Variants in MICAL2 observed in about 807,000 individuals in gnomAD.
MICAL2 encodes the protein microtubule associated monooxygenase, calponin and LIM domain containing 2, also known as [F-actin]-monooxygenase MICAL2.
In MICAL2, 77 loss-of-function variants were observed where a neutral mutation model predicts 127.3. The observed-to-expected ratio is 0.60, with a 90% CI of 0.50 to 0.73. The LOEUF is 0.73. MICAL2 is among the 30% of genes least tolerant of loss of function. The pLI is 0.00. For synonymous variants in MICAL2, 570 were observed against 551.1 expected, an observed-to-expected ratio of 1.03 and a Z score of -0.48; for missense variants, 1,351 against 1,434.4, an observed-to-expected ratio of 0.94 and a Z score of 0.94.
chr11:12,215,423 G>A (rs1382074619), intron 7 of MICAL2, among the ~76,000 whole-genome samples: 2 of 152,180 alleles, frequency 1.3e-5, no homozygotes, highest in African/African-American at 4.8e-5. Context: ...CTTCAAATAA[G>A]CCAGTCAGCC....
chr11:12,342,628 G>A (rs978760911), intron 32 of MICAL2, among the ~76,000 whole-genome samples: 6 of 152,194 alleles, frequency 3.9e-5, no homozygotes, highest in African/African-American at 1.4e-4. Flanking sequence ...TTTACTGAGT[G>A]TTTACTATGT....
At chr11:12,304,673 C>T (rs986615416) in intron 29 of MICAL2, among the ~76,000 whole-genome samples, 1 of 151,544 alleles carries the variant, frequency 6.6e-6, no homozygotes, top group Non-Finnish European at 1.5e-5. Flanking sequence ...CACACACACA[C>T]ACACACACAC....
chr11:12,269,688 G>T (rs1590715669), intron 24 of MICAL2, among the ~76,000 whole-genome samples: 1 of 152,172 alleles, frequency 6.6e-6, no homozygotes, highest in Non-Finnish European at 1.5e-5. Context: ...GCTGAGGCTC[G>T]GCACTGCCTG....
intron 13 of MICAL2, 89 bp from the exon 14 acceptor site, chr11:12,226,082 C>A (rs556348224): frequency 1.6e-6 from 2 of 1,273,360 alleles, no homozygotes; most frequent in Non-Finnish European, 1.1e-6. Context: ...GAGTGTCACC[C>A]TCAGTGCTCC....
At chr11:12,342,657 C>G (rs1938885625) in intron 32 of MICAL2, among the ~76,000 whole-genome samples, 1 of 152,178 alleles carries the variant, frequency 6.6e-6, no homozygotes, top group South Asian at 2.1e-4. Flanking sequence ...CAATGCTTAG[C>G]CAAGCACAAT....
intron 1 of MICAL2, among the ~76,000 whole-genome samples, chr11:12,111,891 T>C (rs1245444206): frequency 6.6e-6 from 1 of 152,188 alleles, no homozygotes; most frequent in Non-Finnish European, 1.5e-5. Flanking sequence ...GCCTCCGGTC[T>C]CCAGGGTAGT....
chr11:12,293,803 C>T (rs377505982), downstream of MICAL2: 7 of 1,602,600 alleles, frequency 4.4e-6, no homozygotes, highest in Admixed American at 5.1e-5. Context: ...TTGGGGACAT[C>T]GGAAGCAACC....
chr11:12,127,506 AGGGAAGGAGAT>A (rs984501807), intron 1 of MICAL2, among the ~76,000 whole-genome samples: 1 of 152,190 alleles, frequency 6.6e-6, no homozygotes, highest in Non-Finnish European at 1.5e-5. Flanking sequence ...AAATCAAAGC[AGGGAAGGAGAT>A]GGTGTGTGCT....
chr11:12,167,802 C>A (rs1855697895), intron 3 of MICAL2, among the ~76,000 whole-genome samples: 1 of 152,126 alleles, frequency 6.6e-6, no homozygotes, highest in South Asian at 2.1e-4. Flanking sequence ...GCATTTGTTA[C>A]CACAGCTGCA....
intron 6 of MICAL2, among the ~76,000 whole-genome samples, chr11:12,211,559 G>A (rs1855474702): frequency 6.6e-6 from 1 of 152,176 alleles, no homozygotes; most frequent in Non-Finnish European, 1.5e-5. Flanking sequence ...CAGGCACCTG[G>A]CCTTACACAA....
At chr11:12,207,087 C>G (rs1407981333) in intron 4 of MICAL2, among the ~76,000 whole-genome samples, 1 of 152,126 alleles carries the variant, frequency 6.6e-6, no homozygotes, top group African/African-American at 2.4e-5. Context: ...CCCAAACCCC[C>G]AAGTTTATTG....
intron 34 of MICAL2, among the ~76,000 whole-genome samples, chr11:12,355,382 G>A (rs113379295): frequency 5.3e-5 from 8 of 152,154 alleles, no homozygotes; most frequent in South Asian, 2.1e-4. Context: ...ATGAGAAAAC[G>A]ATTCCACCAG....
intron 32 of MICAL2, among the ~76,000 whole-genome samples, chr11:12,330,900 A>AGAGAGTGTGTGT (rs1238311364): frequency 8.4e-6 from 1 of 119,346 alleles, no homozygotes; most frequent in Non-Finnish European, 1.8e-5. Context: ...AGAGAGAGAG[A>AGAGAGTGTGTGT]GTGTGTGTGT....
intron 23 of MICAL2, 100 bp from the exon 24 acceptor site, chr11:12,256,685 G>A: frequency 8.7e-6 from 10 of 1,155,732 alleles, no homozygotes; most frequent in Admixed American, 2.7e-5. Flanking sequence ...AAGCCCACGA[G>A]GTCCCCAGCA....
At chr11:12,161,179 G>T (rs1229788305) in intron 2 of MICAL2, among the ~76,000 whole-genome samples, 1 of 152,176 alleles carries the variant, frequency 6.6e-6, no homozygotes, top group African/African-American at 2.4e-5. Context: ...TGGAAAATCA[G>T]CTCTACTTTA....
At chr11:12,236,384 GA>G in intron 16 of MICAL2, 139 bp downstream of exon 16, 1 of 743,646 alleles carries the variant, frequency 1.3e-6, no homozygotes, top group Non-Finnish European at 2.3e-6. Context: ...TGGCGTGATG[GA>G]AAAACAGTTG....
intron 33 of MICAL2, among the ~76,000 whole-genome samples, chr11:12,354,415 T>G (rs1589925054): frequency 6.6e-6 from 1 of 150,734 alleles, no homozygotes; most frequent in East Asian, 2.0e-4. Flanking sequence ...GAGGTTGCAG[T>G]GAGCCAATAC....
chr11:12,152,150 C>T (rs12802497), intron 2 of MICAL2, among the ~76,000 whole-genome samples: 28,590 of 142,402 alleles, frequency 0.2, 3,553 homozygotes, highest in Admixed American at 0.37. Flanking sequence ...AAAAAAAAAT[C>T]AGCTGGGCCT....
At chr11:12,286,263 T>TG (rs1029871898) in intron 2 of MICAL2, among the ~76,000 whole-genome samples, 1 of 152,144 alleles carries the variant, frequency 6.6e-6, no homozygotes, top group Non-Finnish European at 1.5e-5. Context: ...CCAAAGGGTT[T>TG]GGGGGGCTCT....
Sources: gnomAD v4.1 joint callset for allele counts (sites outside exome capture counted in the v4.1 genomes callset) on GRCh38, gnomAD v4.1.1 for gene constraint, MANE v1.5 for transcripts, NCBI Gene and HGNC (gene_info 2026-07-23, HGNC 2026-07-21) for gene names.